Variants in FAAH2 observed in about 807,000 individuals in gnomAD.
FAAH2 encodes the protein fatty acid amide hydrolase 2.
Under a neutral mutation model 36.9 loss-of-function variants are expected in FAAH2, and 60 were observed. The ratio of observed to expected loss-of-function variants is 1.63; its 90% confidence interval spans 1.32 to 2.02. FAAH2 has a LOEUF of 2.02. FAAH2 is among the 30% of genes most tolerant of loss of function. The pLI is 0.00. For missense variants in FAAH2, 689 were observed against 397.5 expected (o/e 1.73, Z -6.23); for synonymous variants, 214 against 143.8 (o/e 1.49, Z -3.49).
In FAAH2 at chrX:57,366,939, C is replaced by T. The variant is rs756792514; in HGVS notation, c.743-11712C>T. On this transcript the variant is annotated intron_variant, in intron 5 of 10. Transcript: ENST00000374900. ...GGGAATTGGCAGCCATGGCTATGCT[C>T]CACTGCAGTCATTTCTACACAAAAC... Among the ~76,000 whole-genome samples, 15 of 111,974 alleles carry T rather than the reference C, an allele frequency of 1.3e-4. No individual in the cohort carries two copies. In the South Asian group the frequency reaches 5.6e-3, roughly 42 times the overall value.
rs752995399 is a variant in FAAH2 at position 57,310,604 on chromosome X, C to T, written c.287C>T (p.Ala96Val). The change falls in exon 3 of 11, where the codon GCG becomes GTG. Residue 96 changes from alanine (A) to valine (V), a missense_variant. Physicochemically the swap from Ala to Val is moderately conservative, Grantham distance 64. Coordinates refer to ENST00000374900, the MANE Select transcript of FAAH2 (RefSeq NM_174912.4). ...NGIVKYRFEE[A>V]MKEAHAVDQK... Reference sequence around the variant, plus strand: ...TTATTTCTTCTTAGGTTTGAGGAAGCGATGAAGGAGGCTCATGCTGTAGAT... The same window carrying T: ...TTATTTCTTCTTAGGTTTGAGGAAGTGATGAAGGAGGCTCATGCTGTAGAT... 107 of 1,199,559 alleles carry T rather than the reference C, an allele frequency of 8.9e-5. No homozygotes were observed. The East Asian group carries it at 1.0e-3, about 12-fold the overall frequency.
chrX:57,486,844 G>A (rs1237790206), intron 10 of FAAH2, among the ~76,000 whole-genome samples: 1 of 111,493 alleles, frequency 9.0e-6, no homozygotes, highest in Non-Finnish European at 1.9e-5. Context: ...TGGCTGGAGG[G>A]GCTATCTCCC....
At chrX:57,180,073 C>T in the FAAH2 span, among the ~76,000 whole-genome samples, 1 of 111,871 alleles carries the variant, frequency 8.9e-6, no homozygotes, top group Admixed American at 9.5e-5. Context: ...CTAATGGGAA[C>T]AAAGATACAA....
intron 8 of FAAH2, among the ~76,000 whole-genome samples, chrX:57,442,657 G>A (rs2056587324): frequency 8.9e-6 from 1 of 111,879 alleles, no homozygotes. Flanking sequence ...TCATTATGAT[G>A]TTAACTGGTT....
At chrX:57,163,117 G>A in the FAAH2 span, among the ~76,000 whole-genome samples, 1 of 111,818 alleles carries the variant, frequency 8.9e-6, no homozygotes, top group Non-Finnish European at 1.9e-5. Flanking sequence ...GGAATACCCT[G>A]CCCTGTGAGG....
the FAAH2 span, among the ~76,000 whole-genome samples, chrX:57,215,587 T>G: frequency 1.8e-5 from 2 of 111,558 alleles, no homozygotes; most frequent in African/African-American, 6.5e-5. Context: ...AATGGTAGAC[T>G]GCTTAAAGAA....
At chrX:57,249,700 A>T in the FAAH2 span, among the ~76,000 whole-genome samples, 11 of 111,940 alleles carry the variant, frequency 9.8e-5, no homozygotes, top group African/African-American at 1.3e-4. Flanking sequence ...CATGAGACCA[A>T]GTAGCTGGAC....
At chrX:57,395,530 C>T (rs187505880) in intron 7 of FAAH2, 92 of 308,984 alleles carry the variant, frequency 3.0e-4, no homozygotes, top group Non-Finnish European at 5.1e-4. Context: ...TCATAGATGG[C>T]TTTTATTAAT....
At chrX:57,186,536 T>G in the FAAH2 span, among the ~76,000 whole-genome samples, 1 of 112,358 alleles carries the variant, frequency 8.9e-6, no homozygotes, top group East Asian at 2.8e-4. Context: ...GATAACAGTT[T>G]CTTTTGCTGA....
intron 10 of FAAH2, among the ~76,000 whole-genome samples, chrX:57,471,310 C>T (rs1369113184): frequency 1.8e-5 from 2 of 111,873 alleles, no homozygotes; most frequent in Admixed American, 1.9e-4. Flanking sequence ...CAAATTGTCC[C>T]TGTTTGCAGA....
At chrX:57,322,285 C>A (rs751852141) in intron 3 of FAAH2, among the ~76,000 whole-genome samples, 1 of 111,930 alleles carries the variant, frequency 8.9e-6, no homozygotes, top group African/African-American at 3.2e-5. Flanking sequence ...CCACCGCACC[C>A]GGCCTGCATT....
the FAAH2 span, chrX:57,137,722 T>A: frequency 9.0e-6 from 1 of 111,147 alleles, no homozygotes; most frequent in East Asian, 2.8e-4. Context: ...CTCTAGCCCC[T>A]CCCCTCAGCT....
At chrX:57,274,142 A>G in the FAAH2 span, among the ~76,000 whole-genome samples, 1 of 112,401 alleles carries the variant, frequency 8.9e-6, no homozygotes, top group Admixed American at 9.4e-5. Context: ...CCTCTAGCAA[A>G]TAAACTAGAA....
upstream of FAAH2, among the ~76,000 whole-genome samples, chrX:57,285,025 T>C (rs1361303034): frequency 8.9e-6 from 1 of 112,471 alleles, no homozygotes; most frequent in Non-Finnish European, 1.9e-5. Context: ...AGTAAATATT[T>C]TCATTTTGAC....
chrX:57,210,821 C>A, the FAAH2 span, among the ~76,000 whole-genome samples: 1 of 112,745 alleles, frequency 8.9e-6, no homozygotes, highest in Non-Finnish European at 1.9e-5. Context: ...TTCCCATTTT[C>A]ATTTGATATA....
intron 2 of FAAH2, among the ~76,000 whole-genome samples, chrX:57,306,994 G>GACAGATATATATATATATATATATAT (rs2052556251): frequency 3.2e-5 from 1 of 31,023 alleles, no homozygotes; most frequent in Non-Finnish European, 7.3e-5. Context: ...CACACACACA[G>GACAGATATATATATATATATATATAT]ATACATATAT....
At chrX:57,368,762 T>A (rs1288269328) in intron 5 of FAAH2, among the ~76,000 whole-genome samples, 1 of 111,290 alleles carries the variant, frequency 9.0e-6, no homozygotes, top group African/African-American at 3.3e-5. Flanking sequence ...TTGGAAAAGA[T>A]AACCATTCCA....
intron 10 of FAAH2, among the ~76,000 whole-genome samples, chrX:57,470,627 T>A (rs1277885840): frequency 9.1e-6 from 1 of 109,878 alleles, no homozygotes; most frequent in Non-Finnish European, 1.9e-5. Context: ...CCAAAAGAAG[T>A]CCAGGAGCAG....
the FAAH2 span, among the ~76,000 whole-genome samples, chrX:57,150,424 C>T: frequency 2.7e-5 from 3 of 111,988 alleles, no homozygotes; most frequent in African/African-American, 9.7e-5. Flanking sequence ...TAAGGACTTG[C>T]TTTATGAATC....
Sources: gnomAD v4.1 joint callset for allele counts (sites outside exome capture counted in the v4.1 genomes callset) on GRCh38, gnomAD v4.1.1 for gene constraint, MANE v1.5 for transcripts, NCBI Gene and HGNC (gene_info 2026-07-23, HGNC 2026-07-21) for gene names.